CAPSL: variants seen among roughly 807,000 people sequenced by gnomAD.
The protein encoded by CAPSL is calcyphosin-like protein.
In CAPSL, 17 loss-of-function variants were observed where a neutral mutation model predicts 21.3. The observed-to-expected ratio is 0.80, with a 90% CI of 0.55 to 1.20. The LOEUF is 1.20. Among genes scored for constraint, CAPSL ranks in the 50% most tolerant of loss-of-function variants. CAPSL has a pLI of 0.00. For synonymous variants in CAPSL, 102 were observed against 89.3 expected (o/e 1.14, Z -0.80); for missense variants, 289 against 259.3 (o/e 1.11, Z -0.79).
intron 2 of CAPSL, among the ~76,000 whole-genome samples, chr5:35,911,979 G>C (rs1295336667): frequency 2.6e-5 from 4 of 152,230 alleles, no homozygotes; most frequent in African/African-American, 4.8e-5. Context: ...AGGGGTGACA[G>C]ACGGCACCTG....
intron 1 of CAPSL, among the ~76,000 whole-genome samples, chr5:35,922,034 G>C (rs892825183): frequency 1.3e-5 from 2 of 150,726 alleles, no homozygotes; most frequent in African/African-American, 2.4e-5. Context: ...GAGGCAAGAG[G>C]CTCGAAGGAT....
At chr5:35,910,142 G>T (rs1738177012) in intron 3 of CAPSL, 67 bp from the exon 4 acceptor site, 1 of 1,328,100 alleles carries the variant, frequency 7.5e-7, no homozygotes, top group Non-Finnish European at 1.0e-6. Flanking sequence ...TATCCTATGT[G>T]ATAAAATATC....
At chr5:35,917,457 G>T (rs1329311149) in intron 2 of CAPSL, among the ~76,000 whole-genome samples, 1 of 152,104 alleles carries the variant, frequency 6.6e-6, no homozygotes, top group East Asian at 1.9e-4. Context: ...CAAAGACTTG[G>T]AACCAACCCA....
intron 2 of CAPSL, among the ~76,000 whole-genome samples, chr5:35,913,195 A>G (rs112740288): frequency 0.022 from 3,336 of 152,324 alleles, 120 homozygotes; most frequent in African/African-American, 0.076. Context: ...CCTCCAAGAA[A>G]TATGGGACTA....
At chr5:35,909,122 G>A (rs1443146808) in intron 4 of CAPSL, among the ~76,000 whole-genome samples, 2 of 150,282 alleles carry the variant, frequency 1.3e-5, no homozygotes, top group African/African-American at 2.5e-5. Context: ...ATTTAGGGCT[G>A]TTGATAAAGG....
In CAPSL at chr5:35,919,184, T is replaced by TATAC. The variant is rs1738472937; in HGVS notation, c.137+1799_137+1800insGTAT. On this transcript the variant is annotated intron_variant, in intron 2 of 4. Coordinates refer to ENST00000651391, the MANE Select transcript of CAPSL (RefSeq NM_001042625.2). ...TTAAAAAAAAAAATATATATATATATATATATAAAAATTGTGAAATTAGTT... is the reference window on the plus strand; with the variant it reads ...TTAAAAAAAAAAATATATATATATATATACATATATAAAAATTGTGAAATTAGTT... 2.7e-5 allele frequency among the ~76,000 whole-genome samples: 4 copies of TATAC among 145,634 alleles called. No homozygotes were observed. The South Asian group carries it at 8.6e-4, about 31-fold the overall frequency.
chr5:35,906,257 A>G (rs6451236), intron 4 of CAPSL, among the ~76,000 whole-genome samples: 130,897 of 152,112 alleles, frequency 0.86, 56,381 homozygotes, highest in South Asian at 0.94. Flanking sequence ...CAGCCATTGA[A>G]TGAGACTCCC....
In CAPSL at chr5:35,904,554, C is replaced by G. The variant is rs145807569; in HGVS notation, c.618G>C (p.Trp206Cys). The change falls in exon 5 of 5, where the codon TGG becomes TGC. Residue 206 changes from tryptophan (W) to cysteine (C), a missense_variant. Trp to Cys is a radical substitution (Grantham distance 215). Transcript: ENST00000651391. ...VYFIIMMRTA[W>C]KL ...TCCCCAGGTCATGTGCTTAAAGCTTCCAGGCGGTTCTCATCATGATGATGA... is the reference window on the plus strand; with the variant it reads ...TCCCCAGGTCATGTGCTTAAAGCTTGCAGGCGGTTCTCATCATGATGATGA... 1.2e-4 allele frequency: 200 copies of G among 1,613,250 alleles called. 1 individual carries two copies. Among genetic ancestry groups the G allele is most frequent in the Non-Finnish European group, 1.7e-4 (196 of 1,179,598 alleles).
In CAPSL at chr5:35,904,570, A is replaced by G; in HGVS notation, c.602T>C (p.Met201Thr). The change falls in exon 5 of 5, where the codon ATG becomes ACG. Residue 201 changes from methionine (M) to threonine (T), a missense_variant. Met to Thr is a moderately conservative substitution (Grantham distance 81). Transcript: ENST00000651391. ...SIDTDVYFIIMMRTAWKL is the reference protein window; with the variant it reads ...SIDTDVYFIITMRTAWKL Reference sequence around the variant, plus strand: ...TTAAAGCTTCCAGGCGGTTCTCATCATGATGATGAAGTACACATCAGTGTC... The same window carrying G: ...TTAAAGCTTCCAGGCGGTTCTCATCGTGATGATGAAGTACACATCAGTGTC... The G allele has an allele frequency of 6.2e-7, 1 of 1,613,762 alleles. No homozygotes were observed. The highest frequency in any genetic ancestry group is 2.2e-5 in the East Asian group (1 of 44,842).
At chr5:35,914,737 A>G (rs1220107005) in intron 2 of CAPSL, among the ~76,000 whole-genome samples, 1 of 152,224 alleles carries the variant, frequency 6.6e-6, no homozygotes, top group African/African-American at 2.4e-5. Flanking sequence ...TATAGCACTA[A>G]ATGTCCACAA....
chr5:35,910,036 C>T lies in CAPSL; in HGVS notation c.355G>A (p.Ala119Thr), dbSNP rs1032701006. Residue 119 changes from alanine (A) to threonine (T), a missense_variant, in exon 4 of 5, where the codon GCT becomes ACT. Coordinates refer to ENST00000651391, the MANE Select transcript of CAPSL (RefSeq NM_001042625.2). ...SRARKEVIMQ[A>T]FRKLDKTGDG... ...CCAGTCTTGTCTAACTTTCTAAAAG[C>T]TTGCATGATTACCTCTTTTCTGGCT... is the stretch of plus-strand genomic sequence containing the variant. 3.1e-6 allele frequency: 5 copies of T among 1,612,996 alleles called. No individual in the cohort carries two copies. The highest frequency in any genetic ancestry group is 4.2e-6 in the Non-Finnish European group (5 of 1,179,656).
chr5:35,915,263 C>T (rs1016914954), intron 2 of CAPSL, among the ~76,000 whole-genome samples: 5 of 152,144 alleles, frequency 3.3e-5, no homozygotes, highest in Non-Finnish European at 5.9e-5. Context: ...GGATTCACAG[C>T]CAAATTCTAC....
intron 1 of CAPSL, among the ~76,000 whole-genome samples, chr5:35,927,027 A>G (rs1463957624): frequency 6.6e-6 from 1 of 152,204 alleles, no homozygotes; most frequent in Non-Finnish European, 1.5e-5. Context: ...ATAGAAAGGG[A>G]CAGCAAATGT....
intron 4 of CAPSL, among the ~76,000 whole-genome samples, chr5:35,904,968 G>T (rs1261876568): frequency 6.6e-6 from 1 of 152,148 alleles, no homozygotes; most frequent in Non-Finnish European, 1.5e-5. Context: ...AGAAGGAAGT[G>T]CTCTGCAACT....
chr5:35,918,577 G>A (rs561123768), intron 2 of CAPSL, among the ~76,000 whole-genome samples: 45 of 152,128 alleles, frequency 3.0e-4, no homozygotes, highest in Non-Finnish European at 2.6e-4. Context: ...AAACCTGCAC[G>A]TTCTGCCCAT....
intron 1 of CAPSL, among the ~76,000 whole-genome samples, chr5:35,927,261 G>A (rs570611266): frequency 3.3e-5 from 5 of 152,280 alleles, no homozygotes; most frequent in Admixed American, 2.6e-4. Flanking sequence ...ATTGTTCCGA[G>A]CCTCTGTCCC....
intron 4 of CAPSL, among the ~76,000 whole-genome samples, chr5:35,906,615 G>A (rs975169655): frequency 6.6e-6 from 1 of 152,160 alleles, no homozygotes; most frequent in Admixed American, 6.5e-5. Context: ...ACTCAAGTGA[G>A]AACATCAAGT....
intron 1 of CAPSL, among the ~76,000 whole-genome samples, chr5:35,937,340 T>C (rs1366257729): frequency 6.6e-6 from 1 of 152,254 alleles, no homozygotes; most frequent in African/African-American, 2.4e-5. Context: ...TGGCCTTTCC[T>C]ATGTCTCCAG....
At chr5:35,917,753 T>G (rs1231574938) in intron 2 of CAPSL, among the ~76,000 whole-genome samples, 1 of 152,138 alleles carries the variant, frequency 6.6e-6, no homozygotes, top group Non-Finnish European at 1.5e-5. Flanking sequence ...CATTAGAAGA[T>G]ATACCTAATG....
Sources: allele counts gnomAD v4.1 joint callset (sites outside exome capture counted in the v4.1 genomes callset), GRCh38; gene constraint gnomAD v4.1.1; transcripts MANE v1.5; gene names NCBI Gene and HGNC (gene_info 2026-07-23, HGNC 2026-07-21).